MNAT1: variants seen among roughly 807,000 people sequenced by gnomAD.
MNAT1 encodes the protein MNAT1 component of CDK activating kinase, also known as CDK-activating kinase assembly factor MAT1.
A neutral mutation model predicts 42.0 loss-of-function variants in MNAT1; 43 were observed. The ratio of observed to expected loss-of-function variants is 1.02; its 90% confidence interval spans 0.80 to 1.32. The LOEUF is 1.32. MNAT1 is among the 40% of genes most tolerant of loss of function. MNAT1 has a pLI of 0.00. For synonymous variants in MNAT1, 118 were observed against 120.0 expected (o/e 0.98, Z 0.11); for missense variants, 306 against 350.4 (o/e 0.87, Z 1.01).
intron 7 of MNAT1, among the ~76,000 whole-genome samples, chr14:60,938,701 GT>G (rs565454665): frequency 1.9e-3 from 289 of 152,054 alleles, no homozygotes; most frequent in African/African-American, 6.8e-3. Context: ...CTCTTTTTTT[GT>G]TGTGTCTCTG....
At chr14:60,817,529 G>A (rs2032752156) in intron 5 of MNAT1, among the ~76,000 whole-genome samples, 1 of 151,916 alleles carries the variant, frequency 6.6e-6, no homozygotes, top group South Asian at 2.1e-4. Context: ...AAATCTTGAT[G>A]TGCAACTTTA....
chr14:60,934,758 C>T (rs1369838524), intron 7 of MNAT1, among the ~76,000 whole-genome samples: 2 of 152,188 alleles, frequency 1.3e-5, no homozygotes, highest in African/African-American at 4.8e-5. Flanking sequence ...TGTCACATTG[C>T]TCATTTCATC....
intron 6 of MNAT1, among the ~76,000 whole-genome samples, chr14:60,847,968 A>G (rs1417414505): frequency 6.6e-6 from 1 of 152,164 alleles, no homozygotes; most frequent in East Asian, 1.9e-4. Flanking sequence ...TAAGAGGAAT[A>G]AAGAGAGAAA....
chr14:60,783,717 C>T (rs2031544043), intron 1 of MNAT1, among the ~76,000 whole-genome samples: 2 of 152,160 alleles, frequency 1.3e-5, no homozygotes, highest in Non-Finnish European at 2.9e-5. Flanking sequence ...AGGACGGTCT[C>T]GATCTCCTGA....
At chr14:60,764,638 G>A (rs1370056241) in intron 1 of MNAT1, among the ~76,000 whole-genome samples, 2 of 152,180 alleles carry the variant, frequency 1.3e-5, no homozygotes, top group African/African-American at 4.8e-5. Context: ...AGAAGAAGCG[G>A]TCTAAGATAA....
intron 7 of MNAT1, among the ~76,000 whole-genome samples, chr14:60,882,716 C>A (rs1025195835): frequency 6.6e-6 from 1 of 151,966 alleles, no homozygotes; most frequent in Admixed American, 6.6e-5. Context: ...ACAAGATTTT[C>A]TTTTTTCCAC....
chr14:60,944,291 A>G (rs2036231737), intron 7 of MNAT1, among the ~76,000 whole-genome samples: 1 of 152,184 alleles, frequency 6.6e-6, no homozygotes, highest in Admixed American at 6.5e-5. Flanking sequence ...TGGAAGTGAT[A>G]GTATTTGGAA....
intron 7 of MNAT1, among the ~76,000 whole-genome samples, chr14:60,959,927 T>G (rs914953119): frequency 1.6e-4 from 24 of 150,024 alleles, no homozygotes; most frequent in Non-Finnish European, 1.8e-4. Flanking sequence ...TATGTTTTTT[T>G]TTTTTTTTTT....
intron 7 of MNAT1, among the ~76,000 whole-genome samples, chr14:60,951,866 C>T (rs1348336238): frequency 6.6e-6 from 1 of 151,850 alleles, no homozygotes; most frequent in Non-Finnish European, 1.5e-5. Context: ...ATATTTGCTT[C>T]TGACAAATTC....
At chr14:60,918,909 G>C (rs908119781) in intron 7 of MNAT1, among the ~76,000 whole-genome samples, 4 of 151,910 alleles carry the variant, frequency 2.6e-5, no homozygotes, top group Non-Finnish European at 5.9e-5. Context: ...CAATATATTG[G>C]TAACTCATAG....
chr14:60,895,865 G>GT (rs1284427553), intron 7 of MNAT1, among the ~76,000 whole-genome samples: 5 of 152,106 alleles, frequency 3.3e-5, no homozygotes, highest in African/African-American at 7.2e-5. Flanking sequence ...GAGTAGTACA[G>GT]TTTTTTTGTA....
intron 1 of MNAT1, among the ~76,000 whole-genome samples, chr14:60,786,955 A>G (rs1433066668): frequency 2.0e-5 from 3 of 152,192 alleles, no homozygotes; most frequent in Non-Finnish European, 4.4e-5. Context: ...TATTTAGTGC[A>G]GTGGCATTAA....
chr14:60,793,652 C>T (rs188057818), intron 1 of MNAT1, among the ~76,000 whole-genome samples: 2 of 151,522 alleles, frequency 1.3e-5, no homozygotes, highest in Admixed American at 1.3e-4. Flanking sequence ...GGATTATAGG[C>T]GTAAGCAACT....
chr14:60,910,932 C>T (rs1476485288), intron 7 of MNAT1, among the ~76,000 whole-genome samples: 1 of 152,076 alleles, frequency 6.6e-6, no homozygotes, highest in Non-Finnish European at 1.5e-5. Flanking sequence ...TGGTAAAATT[C>T]GGCTGTGAAA....
At chr14:60,935,848 C>A (rs550039752) in intron 7 of MNAT1, among the ~76,000 whole-genome samples, 1 of 152,050 alleles carries the variant, frequency 6.6e-6, no homozygotes, top group Non-Finnish European at 1.5e-5. Context: ...AAGCTGTTGC[C>A]GAATTTTGCT....
At chr14:60,787,348 A>C (rs2031682794) in intron 1 of MNAT1, among the ~76,000 whole-genome samples, 1 of 152,160 alleles carries the variant, frequency 6.6e-6, no homozygotes, top group African/African-American at 2.4e-5. Flanking sequence ...TGCATACCTT[A>C]ATTAAAATAT....
chr14:60,765,994 A>G (rs2030799260), intron 1 of MNAT1, among the ~76,000 whole-genome samples: 1 of 152,198 alleles, frequency 6.6e-6, no homozygotes, highest in Non-Finnish European at 1.5e-5. Flanking sequence ...TAACTTTCTA[A>G]TTTCTCTTTT....
intron 3 of MNAT1, among the ~76,000 whole-genome samples, chr14:60,802,237 G>C (rs926504847): frequency 2.6e-5 from 4 of 152,056 alleles, no homozygotes; most frequent in African/African-American, 7.2e-5. Context: ...AATTAGACAG[G>C]AGGAATAAGT....
At chr14:60,778,660 G>C (rs775623027) in intron 1 of MNAT1, among the ~76,000 whole-genome samples, 2 of 152,102 alleles carry the variant, frequency 1.3e-5, no homozygotes, top group Non-Finnish European at 2.9e-5. Flanking sequence ...TGTAGCAGTG[G>C]GCCAAAGTTC....
Sources: allele counts gnomAD v4.1 joint callset (sites outside exome capture counted in the v4.1 genomes callset), GRCh38; gene constraint gnomAD v4.1.1; transcripts MANE v1.5; gene names NCBI Gene and HGNC (gene_info 2026-07-23, HGNC 2026-07-21).